SLC26A9: variants seen among roughly 807,000 people sequenced by gnomAD.
The protein encoded by SLC26A9 is anion transporter/exchanger protein 9.
SLC26A9 carries 46 observed loss-of-function variants against 87.1 expected under a neutral mutation model. The observed-to-expected ratio is 0.53, with a 90% CI of 0.42 to 0.67. The LOEUF is 0.67. SLC26A9 is among the 30% of genes least tolerant of loss of function. The pLI is 0.00. For missense variants in SLC26A9, 927 were observed against 1,018.3 expected, an observed-to-expected ratio of 0.91 and a Z score of 1.22; for synonymous variants, 437 against 409.1, an observed-to-expected ratio of 1.07 and a Z score of -0.82.
chr1:205,928,885 C>T lies in SLC26A9; in HGVS notation c.895G>A (p.Gly299Arg), dbSNP rs371241007. 2.3e-5 allele frequency: 37 copies of T among 1,613,966 alleles called. No homozygotes were observed. The Admixed American group carries it at 3.0e-4, about 13-fold the overall frequency. The change falls in exon 8 of 21, where the codon GGG becomes AGG. Residue 299 changes from glycine to arginine, a missense_variant. By Grantham distance (125) the Gly-to-Arg change is moderately radical. Transcript: ENST00000367135. Reference sequence around the variant, plus strand: ...TACTTTTTGGGCATCTTACAGCCCCCGGAGATAGCTGTTGCCACCACCACC... The same window carrying T: ...TACTTTTTGGGCATCTTACAGCCCCTGGAGATAGCTGTTGCCACCACCACC... Reference protein sequence around the residue: ...IVVVVATAISGGCKMPKKYHM... With the variant: ...IVVVVATAISRGCKMPKKYHM...
chr1:205,917,200 G>GT, intron 20 of SLC26A9, 83 bp downstream of exon 20: 1 of 1,396,944 alleles, frequency 7.2e-7, no homozygotes, highest in South Asian at 1.2e-5. Context: ...AGACAGCTGA[G>GT]TGAACGCCTT....
At chr1:205,918,296 T>A (rs1235428675) in intron 19 of SLC26A9, among the ~76,000 whole-genome samples, 2 of 150,974 alleles carry the variant, frequency 1.3e-5, no homozygotes, top group Non-Finnish European at 2.9e-5. Context: ...GAGTTTTAGA[T>A]GGTGTTATTT....
At chr1:205,942,383 G>T (rs1659783598) in intron 1 of SLC26A9, among the ~76,000 whole-genome samples, 1 of 152,136 alleles carries the variant, frequency 6.6e-6, no homozygotes, top group African/African-American at 2.4e-5. Flanking sequence ...CTGAGAAAGG[G>T]TCATCTGCAT....
rs754486518 is a variant in SLC26A9, at chr1:205,932,071, T to G, written c.377-36A>C. ...CCACCCAGCCAGCAAAAATCAGAGG[T>G]TTGAACCACACCGATGGAAACCAGA... On this transcript the variant is annotated intron_variant, in intron 4 of 20. Transcript: ENST00000367135. The G allele has an allele frequency of 4.3e-6, 7 of 1,610,412 alleles. No homozygotes were observed. The South Asian group carries it at 6.6e-5, about 15-fold the overall frequency.
In SLC26A9 at chr1:205,915,203, A is replaced by C; in HGVS notation, c.*154T>G. The C allele has an allele frequency of 6.2e-7, 1 of 1,609,338 alleles. No individual in the cohort carries two copies. The highest frequency in any genetic ancestry group is 8.5e-7 in the Non-Finnish European group (1 of 1,176,912). ...CTCTCTCTGGAGATGCGGGGAGGGA[A>C]GGAAGGGAGGAGAGAGGGGGAGAGG... On this transcript the variant is annotated 3_prime_UTR_variant, in exon 21 of 21. Coordinates refer to ENST00000367135, the MANE Select transcript of SLC26A9 (RefSeq NM_052934.4).
At chr1:205,920,426 T>C (rs549354241) in intron 17 of SLC26A9, among the ~76,000 whole-genome samples, 196 bp from the exon 18 acceptor site, 2 of 152,316 alleles carry the variant, frequency 1.3e-5, no homozygotes, top group African/African-American at 4.8e-5. Flanking sequence ...CTCTGGGAAG[T>C]GGAGCGGAAA....
Position 205,923,554 on chromosome 1 carries a change from G to C in SLC26A9, c.1556C>G (p.Thr519Ser), listed in dbSNP as rs1346836625. ...MDTDIYVNPK[T>S]YNRAQDIQGI... is the part of the protein sequence containing the mutation. ...GCTTGAATTACCTACCCTATTATAG[G>C]TCTTGGGATTCACATAAATGTCAGT... is the stretch of plus-strand genomic sequence containing the variant. The change falls in exon 14 of 21, where the codon ACC (threonine) becomes AGC (serine). Residue 519 changes from threonine (T) to serine (S), a missense_variant. By Grantham distance (58) the Thr-to-Ser change is moderately conservative. Transcript: ENST00000367135. The C allele has an allele frequency of 1.9e-6, 3 of 1,614,076 alleles. No homozygotes were observed. In the African/African-American group the frequency reaches 4.0e-5, roughly 22 times the overall value.
rs770803968 is a variant in SLC26A9 at position 205,923,133 on chromosome 1, C to T, written c.1722G>A (p.Lys574=). The T allele has an allele frequency of 2.9e-5, 47 of 1,614,040 alleles. No individual in the cohort carries two copies. The highest frequency in any genetic ancestry group is 2.8e-4 in the Admixed American group (17 of 59,996). The change falls in exon 16 of 21, where the codon AAG becomes AAA. Residue 574 remains lysine (K), a synonymous_variant. Transcript: ENST00000367135. ...AKQKYLKKQE[K]RRMRPTQQRR... is the part of the protein sequence containing the mutation. ...TCTGTTGTGTGGGCCTCATTCTCCG[C>T]TTCTCCTGCTTCTTGAGGTATTTTT...
At chr1:205,926,689 G>A (rs959883158) in intron 11 of SLC26A9, 59 bp from the exon 12 acceptor site, 32 of 1,410,816 alleles carry the variant, frequency 2.3e-5, no homozygotes, top group Non-Finnish European at 3.1e-5. Context: ...TTGCCCTCCT[G>A]CGCATACCCG....
intron 9 of SLC26A9, 32 bp downstream of exon 9, chr1:205,927,870 T>G (rs772494190): frequency 6.2e-7 from 1 of 1,609,008 alleles, no homozygotes; most frequent in Non-Finnish European, 8.5e-7. Context: ...TGACCTGTCC[T>G]GCCCAGTCCT....
chr1:205,921,568 T>C lies in SLC26A9; in HGVS notation c.2053A>G (p.Lys685Glu), dbSNP rs1453477513. 4 of 1,607,066 alleles carry C rather than the reference T, an allele frequency of 2.5e-6. No individual in the cohort carries two copies. In the South Asian group the frequency reaches 4.4e-5, roughly 18 times the overall value. ...CTTGCTGTTCCCGAGGGCCTCACCTTGGCCAGGGCCTTGATGCCCATCAAG... is the reference window on the plus strand; with the variant it reads ...CTTGCTGTTCCCGAGGGCCTCACCTCGGCCAGGGCCTTGATGCCCATCAAG... ...VDLMGIKALA[K>E]LSSTYGKIGV... is the part of the protein sequence containing the mutation. The change falls in exon 17 of 21, where the codon AAG becomes GAG. Residue 685 changes from lysine (K) to glutamate (E), a missense_variant and splice_region_variant. Physicochemically the swap from Lys to Glu is moderately conservative, Grantham distance 56 (BLOSUM62 1). Coordinates refer to ENST00000367135, the MANE Select transcript of SLC26A9 (RefSeq NM_052934.4).
intron 19 of SLC26A9, 133 bp from the exon 20 acceptor site, chr1:205,917,487 C>T (rs1658643279): frequency 3.6e-6 from 3 of 826,594 alleles, no homozygotes; most frequent in East Asian, 2.5e-5. Flanking sequence ...TATCCTCTTG[C>T]CCCTTCCCTT....
intron 19 of SLC26A9, among the ~76,000 whole-genome samples, chr1:205,918,480 T>G (rs1658686757): frequency 6.6e-6 from 1 of 152,016 alleles, no homozygotes; most frequent in Non-Finnish European, 1.5e-5. Flanking sequence ...TAGAAAGAGA[T>G]GAGGAGGAGG....
intron 12 of SLC26A9, 121 bp from the exon 13 acceptor site, chr1:205,924,610 T>A: frequency 1.3e-6 from 1 of 779,666 alleles, no homozygotes; most frequent in East Asian, 2.8e-5. Flanking sequence ...CTTCTCTTTT[T>A]TTTCTTTAAA....
rs755682062 is a variant in SLC26A9 at position 205,932,050 on chromosome 1, C to G, written c.377-15G>C. On this transcript the variant is annotated splice_polypyrimidine_tract_variant and intron_variant, in intron 4 of 20. Coordinates refer to ENST00000367135, the MANE Select transcript of SLC26A9 (RefSeq NM_052934.4). ...GGCAAAGGTACCTGTGGTGCCCCAC[C>G]CAGCCAGCAAAAATCAGAGGTTTGA... 2 of 1,612,602 alleles carry G rather than the reference C, an allele frequency of 1.2e-6. No individual in the cohort carries two copies. The highest frequency in any genetic ancestry group is 1.7e-6 in the Non-Finnish European group (2 of 1,179,278).
At chr1:205,933,211 A>G (rs1377484788) in intron 2 of SLC26A9, 127 bp from the exon 3 acceptor site, 2 of 1,362,210 alleles carry the variant, frequency 1.5e-6, no homozygotes, top group African/African-American at 1.5e-5. Flanking sequence ...ACTGTGTGCC[A>G]GGGATATTGA....
chr1:205,913,269 G>T lies in SLC26A9; in HGVS notation c.*2088C>A, dbSNP rs1051208007. 1.3e-5 allele frequency: 2 copies of T among 152,174 alleles called. No homozygotes were observed. The highest frequency in any genetic ancestry group is 2.9e-5 in the Non-Finnish European group (2 of 68,032). 9.4% of individuals were successfully genotyped at this position (152,174 alleles called of 1,614,324 possible). On this transcript the variant is annotated 3_prime_UTR_variant, in exon 21 of 21. Transcript: ENST00000367135. ...TTTCCTGCTTCAACCAGGTCCAGAA[G>T]AGTGTTCTTTTCCAAATATTCCAGC... is the stretch of plus-strand genomic sequence containing the variant.
intron 1 of SLC26A9, among the ~76,000 whole-genome samples, chr1:205,942,716 G>A (rs1387573787): frequency 3.3e-5 from 5 of 152,140 alleles, no homozygotes; most frequent in African/African-American, 7.2e-5. Flanking sequence ...TGAGTCGGGC[G>A]TCCCAGGTCC....
chr1:205,936,815 C>T (rs1659526867), intron 1 of SLC26A9, among the ~76,000 whole-genome samples: 1 of 152,166 alleles, frequency 6.6e-6, no homozygotes, highest in Non-Finnish European at 1.5e-5. Context: ...AAATGAGTAA[C>T]TACTTGGGGG....
Sources: allele counts gnomAD v4.1 joint callset (sites outside exome capture counted in the v4.1 genomes callset), GRCh38; gene constraint gnomAD v4.1.1; transcripts MANE v1.5; gene names NCBI Gene and HGNC (gene_info 2026-07-23, HGNC 2026-07-21).